DPH2: variants seen among roughly 807,000 people sequenced by gnomAD.
DPH2 encodes the protein 2-(3-amino-3-carboxypropyl)histidine synthase subunit 2.
A neutral mutation model predicts 42.5 loss-of-function variants in DPH2; 28 were observed. The ratio of observed to expected loss-of-function variants is 0.66; its 90% CI spans 0.49 to 0.90. The LOEUF is 0.90. Among genes scored for constraint, DPH2 ranks in the 40% least tolerant of loss-of-function variants. DPH2 has a pLI of 0.00. For synonymous variants in DPH2, 279 were observed against 264.4 expected (o/e 1.06, Z -0.53); for missense variants, 576 against 636.0 (o/e 0.91, Z 1.01).
At position 43,972,282 on chromosome 1, in the gene DPH2, C is replaced by T; in HGVS notation, c.1293C>T (p.Ser431=). The T allele has an allele frequency of 1.9e-6, 3 of 1,614,246 alleles. No individual in the cohort carries two copies. Among genetic ancestry groups the T allele is most frequent in the Non-Finnish European group, 2.5e-6 (3 of 1,180,042 alleles). Residue 431 remains serine, a synonymous_variant, in exon 5 of 6, where the codon AGC becomes AGT. Coordinates refer to ENST00000255108, the MANE Select transcript of DPH2 (RefSeq NM_001384.5). ...GGAAGTCATCAAATGATCATGGAAGCTTGGCTCTGACCCCACGGCCCCAGC... is the reference window on the plus strand; with the variant it reads ...GGAAGTCATCAAATGATCATGGAAGTTTGGCTCTGACCCCACGGCCCCAGC... ...PAWKSSNDHG[S]LALTPRPQLE...
At position 43,971,209 on chromosome 1, in the gene DPH2, T is replaced by C. The variant is rs1168227768; in HGVS notation, c.484+20T>C. The C allele has an allele frequency of 6.5e-7, 1 of 1,548,382 alleles. No homozygotes were observed. Among genetic ancestry groups the C allele is most frequent in the Admixed American group, 2.0e-5 (1 of 50,822 alleles). ...CCCTGGGTAAGGGGTTTTGCCTGTG[T>C]ATGCACAAAGGGTGAGCCAACTGCT... On this transcript the variant is annotated intron_variant, in intron 3 of 5. Coordinates refer to ENST00000255108, the MANE Select transcript of DPH2 (RefSeq NM_001384.5).
rs1230819902 is a variant in DPH2 at position 43,971,639 on chromosome 1, C to T, written c.737C>T (p.Pro246Leu). The change falls in exon 4 of 6, where the codon CCC becomes CTC. Residue 246 changes from proline to leucine, a missense_variant. Physicochemically the swap from Pro to Leu is moderately conservative, Grantham distance 98. Transcript: ENST00000255108. ...RLLLGWAPGQ[P>L]FSSCCPDTGK... Reference sequence around the variant, plus strand: ...CTCTTGGGGTGGGCACCAGGTCAACCCTTCTCCTCCTGCTGTCCAGATACA... The same window carrying T: ...CTCTTGGGGTGGGCACCAGGTCAACTCTTCTCCTCCTGCTGTCCAGATACA... 1 of 1,614,166 alleles carries T rather than the reference C, an allele frequency of 6.2e-7. No homozygotes were observed. Among genetic ancestry groups the T allele is most frequent in the Admixed American group, 1.7e-5 (1 of 60,032 alleles).
chr1:43,971,438 G>C lies in DPH2; in HGVS notation c.536G>C (p.Ser179Thr), dbSNP rs1270622734. The C allele has an allele frequency of 6.2e-7, 1 of 1,610,322 alleles. No individual in the cohort carries two copies. Among genetic ancestry groups the C allele is most frequent in the African/African-American group, 1.3e-5 (1 of 74,826 alleles). ...CGGTACCTGGACCTGCTAGTCTCCA[G>C]CCCAGCTTTTCCCCAACCAGTGGGT... is the stretch of plus-strand genomic sequence containing the variant. Reference protein sequence around the residue: ...RPRYLDLLVSSPAFPQPVGSL... With the variant: ...RPRYLDLLVSTPAFPQPVGSL... The change falls in exon 4 of 6, where the codon AGC becomes ACC. Residue 179 changes from serine (S) to threonine (T), a missense_variant. Coordinates refer to ENST00000255108, the MANE Select transcript of DPH2 (RefSeq NM_001384.5).
rs773357059 is a variant in DPH2 at position 43,971,397 on chromosome 1, T to C, written c.495T>C (p.Ala165=). Residue 165 remains alanine, a synonymous_variant, in exon 4 of 6, where the codon GCT becomes GCC. Transcript: ENST00000255108. Reference sequence around the variant, plus strand: ...CTCCTTCTCTTCCAGAGGCTTTGGCTACTCTCCTGCGCCCACGGTACCTGG... The same window carrying C: ...CTCCTTCTCTTCCAGAGGCTTTGGCCACTCTCCTGCGCCCACGGTACCTGG... The part of the protein sequence containing the change: ...PACAHALEAL[A]TLLRPRYLDL... 6.3e-7 allele frequency: 1 copy of C among 1,583,146 alleles called. No individual in the cohort carries two copies. The highest frequency in any genetic ancestry group is 2.2e-5 in the East Asian group (1 of 44,460).
intron 2 of DPH2, 46 bp from the exon 3 acceptor site, chr1:43,970,920 C>A (rs768389156): frequency 6.5e-7 from 1 of 1,541,156 alleles, no homozygotes; most frequent in South Asian, 1.2e-5. Flanking sequence ...GACAGCAACT[C>A]GCCTCCAGAA....
chr1:43,970,767 G>A (rs752817178), intron 2 of DPH2, 59 bp downstream of exon 2: 20 of 1,499,318 alleles, frequency 1.3e-5, no homozygotes, highest in Middle Eastern at 1.7e-4. Flanking sequence ...GGGGTTTTAC[G>A]TCTATGACAG....
rs1313202332 is a variant in DPH2, at chr1:43,972,617, A to G, written c.*78A>G. On this transcript the variant is annotated 3_prime_UTR_variant, in exon 6 of 6. Transcript: ENST00000255108. ...TTAGTGCTCCCTGCACCAACCTCCC[A>G]TCCCCCTGCCAAGATCCTTGAAGGA... The G allele has an allele frequency of 3.4e-5, 54 of 1,573,802 alleles. 1 individual carries two copies. In the Middle Eastern group the frequency reaches 5.8e-4, roughly 17 times the overall value.
In DPH2 at chr1:43,972,820, A is replaced by C; in HGVS notation, c.*281A>C. The C allele has an allele frequency of 2.5e-6, 1 of 394,322 alleles. No individual in the cohort carries two copies. Among genetic ancestry groups the C allele is most frequent in the South Asian group, 2.9e-5 (1 of 34,268 alleles). The allele number at this position is 394,322 out of a possible 1,614,324, so 24.4% of individuals were successfully genotyped here. On this transcript the variant is annotated 3_prime_UTR_variant, in exon 6 of 6. Coordinates refer to ENST00000255108, the MANE Select transcript of DPH2 (RefSeq NM_001384.5). ...CCATCTGTCTTCCTGAGGGCAGCCCAGGACCTTTGGCCAATCCCAGTTCCC... is the reference window on the plus strand; with the variant it reads ...CCATCTGTCTTCCTGAGGGCAGCCCCGGACCTTTGGCCAATCCCAGTTCCC...
At position 43,972,015 on chromosome 1, in the gene DPH2, C is replaced by T; in HGVS notation, c.1113C>T (p.Ala371=). 6.2e-7 allele frequency: 1 copy of T among 1,614,178 alleles called. No homozygotes were observed. Among genetic ancestry groups the T allele is most frequent in the Admixed American group, 1.7e-5 (1 of 60,036 alleles). ...AGCTGGAAGCTGCCTGCAACCCTGC[C>T]TGGCCACCTCCAGGCCTGGCTCCCC... The part of the protein sequence containing the change: ...PCELEAACNP[A]WPPPGLAPHL... The change falls in exon 4 of 6, where the codon GCC becomes GCT. Residue 371 remains alanine (A), a synonymous_variant. Transcript: ENST00000255108.
rs529900643 is a variant in DPH2, at chr1:43,971,408, G to A, written c.506G>A (p.Arg169His). ...HALEALATLLRPRYLDLLVSS... is the reference protein window; with the variant it reads ...HALEALATLLHPRYLDLLVSS... ...CCAGAGGCTTTGGCTACTCTCCTGC[G>A]CCCACGGTACCTGGACCTGCTAGTC... is the stretch of plus-strand genomic sequence containing the variant. The change falls in exon 4 of 6, where the codon CGC becomes CAC. Residue 169 changes from arginine (R) to histidine (H), a missense_variant. Around this residue, in one of 3 missense-constraint regions of DPH2, gnomAD observed 395 missense variants for 435.2 expected, o/e 0.91. Coordinates refer to ENST00000255108, the MANE Select transcript of DPH2 (RefSeq NM_001384.5). 2.4e-5 allele frequency: 38 copies of A among 1,597,138 alleles called. No individual in the cohort carries two copies. Among genetic ancestry groups the A allele is most frequent in the South Asian group, 1.9e-4 (17 of 90,080 alleles).
At position 43,971,407 on chromosome 1, in the gene DPH2, C is replaced by T. The variant is rs766208949; in HGVS notation, c.505C>T (p.Arg169Cys). Residue 169 changes from arginine (R) to cysteine (C), a missense_variant, in exon 4 of 6, where the codon CGC becomes TGC. By Grantham distance (180) the Arg-to-Cys change is radical (BLOSUM62 -3). Around this residue, in one of 3 missense-constraint regions of DPH2, gnomAD observed 395 missense variants for 435.2 expected, o/e 0.91. Coordinates refer to ENST00000255108, the MANE Select transcript of DPH2 (RefSeq NM_001384.5). ...HALEALATLL[R>C]PRYLDLLVSS... ...TCCAGAGGCTTTGGCTACTCTCCTG[C>T]GCCCACGGTACCTGGACCTGCTAGT... 1.7e-5 allele frequency: 27 copies of T among 1,595,676 alleles called. No homozygotes were observed. The highest frequency in any genetic ancestry group is 4.5e-5 in the East Asian group (2 of 44,576).
intron 2 of DPH2, 61 bp from the exon 3 acceptor site, chr1:43,970,904 AG>A: frequency 6.6e-7 from 1 of 1,506,638 alleles, no homozygotes. Flanking sequence ...CACATTTCCC[AG>A]TGATGACAGC....
intron 3 of DPH2, 32 bp downstream of exon 3, chr1:43,971,221 GTGAGCCAACTGCTT>G (rs1350461245): frequency 6.5e-6 from 10 of 1,541,554 alleles, no homozygotes; most frequent in Middle Eastern, 3.4e-4. Flanking sequence ...TGCACAAAGG[GTGAGCCAACTGCTT>G]TATGCCTTAA....
Position 43,970,274 on chromosome 1 carries a change from C to G in DPH2, c.99C>G (p.Tyr33Ter), listed in dbSNP as rs1348652646. Residue 33 changes from tyrosine (Y) to a stop codon, truncating the protein, a stop_gained, in exon 1 of 6, where the codon TAC (tyrosine) becomes TAG (stop). Coordinates refer to ENST00000255108, the MANE Select transcript of DPH2 (RefSeq NM_001384.5). LOFTEE classifies it high-confidence loss of function. ...CTCTTCCGGACCTGGACGGAGTGTA[C>G]GAGCTGGAGCGAGTCGCTGGATTTG... is the stretch of plus-strand genomic sequence containing the variant. ...LTPLPDLDGV[Y>*]ELERVAGFVR... is the part of the protein sequence containing the mutation. 1.2e-6 allele frequency: 2 copies of G among 1,614,202 alleles called. No homozygotes were observed. The highest frequency in any genetic ancestry group is 1.7e-6 in the Non-Finnish European group (2 of 1,180,020).
Position 43,971,928 on chromosome 1 carries a change from TC to T in DPH2, c.1027del (p.Leu343TrpfsTer4). The T allele has an allele frequency of 1.2e-6, 2 of 1,614,224 alleles. No homozygotes were observed. Among genetic ancestry groups the T allele is most frequent in the Non-Finnish European group, 1.7e-6 (2 of 1,180,038 alleles). On this transcript the variant is annotated frameshift_variant, in exon 4 of 6. Transcript: ENST00000255108. LOFTEE classifies it high-confidence loss of function. ...VDVFVLLACPLGALAPQLSGS... is the reference protein window; with the variant it reads ...VDVFVLLACPXGALAPQLSGS... ...ATGTCTTTGTGCTATTAGCCTGTCC[TC>T]TGGGTGCTCTAGCCCCCCAGCTTTC...
chr1:43,971,493 G>C lies in DPH2; in HGVS notation c.591G>C (p.Glu197Asp). The C allele has an allele frequency of 6.2e-7, 1 of 1,614,220 alleles. No homozygotes were observed. The highest frequency in any genetic ancestry group is 8.5e-7 in the Non-Finnish European group (1 of 1,180,036). The change falls in exon 4 of 6, where the codon GAG (glutamate) becomes GAC (aspartate). Residue 197 changes from glutamate (E) to aspartate (D), a missense_variant. Coordinates refer to ENST00000255108, the MANE Select transcript of DPH2 (RefSeq NM_001384.5). ...GSLSPEPMPL[E>D]RFGRRFPLAP... is the part of the protein sequence containing the mutation. ...TGAGTCCAGAGCCTATGCCCCTAGAGCGTTTTGGGCGCCGCTTCCCCCTTG... is the reference window on the plus strand; with the variant it reads ...TGAGTCCAGAGCCTATGCCCCTAGACCGTTTTGGGCGCCGCTTCCCCCTTG...
In DPH2 at chr1:43,972,452, G is replaced by A; in HGVS notation, c.1383G>A (p.Glu461=). 1 of 1,614,240 alleles carries A rather than the reference G, an allele frequency of 6.2e-7. No individual in the cohort carries two copies. The highest frequency in any genetic ancestry group is 8.5e-7 in the Non-Finnish European group (1 of 1,180,048). The change falls in exon 6 of 6, where the codon GAG becomes GAA. Residue 461 remains glutamate (E), a synonymous_variant. Transcript: ENST00000255108. ...GTTCCCGGAGCTGGCAAGGGCTGGA[G>A]CCCCGCCTGGGTCAGACGCCAGTGA... ...FLSSRSWQGL[E]PRLGQTPVTE... is the part of the protein sequence containing the mutation.
Position 43,971,967 on chromosome 1 carries a change from C to T in DPH2, c.1065C>T (p.Phe355=). 6.2e-7 allele frequency: 1 copy of T among 1,614,236 alleles called. No homozygotes were observed. Among genetic ancestry groups the T allele is most frequent in the Non-Finnish European group, 8.5e-7 (1 of 1,180,048 alleles). ...CCCCCCAGCTTTCTGGTAGCTTCTT[C>T]CAGCCTATACTGGCACCATGTGAGC... ...ALAPQLSGSF[F]QPILAPCELE... Residue 355 remains phenylalanine (F), a synonymous_variant, in exon 4 of 6, where the codon TTC becomes TTT. Coordinates refer to ENST00000255108, the MANE Select transcript of DPH2 (RefSeq NM_001384.5).
Position 43,972,692 on chromosome 1 carries a change from C to T in DPH2, c.*153C>T, listed in dbSNP as rs1487533605. ...GCCCTTCACAGGATAGGATCCGTCT[C>T]TGTCCTGTCCTGGCACTGGCACAAG... is the stretch of plus-strand genomic sequence containing the variant. On this transcript the variant is annotated 3_prime_UTR_variant, in exon 6 of 6. Coordinates refer to ENST00000255108, the MANE Select transcript of DPH2 (RefSeq NM_001384.5). The T allele has an allele frequency of 9.3e-7, 1 of 1,080,612 alleles. No individual in the cohort carries two copies. Among genetic ancestry groups the T allele is most frequent in the Non-Finnish European group, 1.3e-6 (1 of 758,654 alleles). 66.9% of individuals were successfully genotyped at this position (1,080,612 alleles called of 1,614,324 possible). A position where few individuals can be genotyped will look rare whatever the true frequency, so the allele number is the denominator to read the frequency against.
Sources: allele counts gnomAD v4.1 joint callset, GRCh38; gene constraint gnomAD v4.1.1; regional missense constraint gnomAD v4.1.1; transcripts MANE v1.5; gene names NCBI Gene and HGNC (gene_info 2026-07-23, HGNC 2026-07-21).